Variants in LRRC49 observed in about 807,000 individuals in gnomAD.
LRRC49 encodes leucine-rich repeat-containing protein 49.
A neutral mutation model predicts 83.3 loss-of-function variants in LRRC49; 50 were observed. The ratio of observed to expected loss-of-function variants is 0.60; its 90% CI spans 0.48 to 0.76. LRRC49 has a LOEUF of 0.76. Among genes scored for constraint, LRRC49 ranks in the 30% least tolerant of loss-of-function variants. LRRC49 has a pLI of 0.00. For missense variants in LRRC49, 704 were observed against 809.1 expected, an observed-to-expected ratio of 0.87 and a Z score of 1.58; for synonymous variants, 286 against 283.3, an observed-to-expected ratio of 1.01 and a Z score of -0.10.
intron 11 of LRRC49, among the ~76,000 whole-genome samples, chr15:70,997,210 T>A (rs979055418): frequency 3.3e-5 from 5 of 152,234 alleles, no homozygotes; most frequent in African/African-American, 1.2e-4. Context: ...TCATGTATTT[T>A]AGATGTTAAG....
At chr15:70,879,628 G>A (rs909448849) in intron 2 of LRRC49, among the ~76,000 whole-genome samples, 5 of 152,124 alleles carry the variant, frequency 3.3e-5, no homozygotes, top group African/African-American at 1.2e-4. Flanking sequence ...AGAGATTTGG[G>A]TGGAGTTTAT....
At chr15:70,862,194 C>T (rs2032805015) in intron 1 of LRRC49, among the ~76,000 whole-genome samples, 1 of 152,222 alleles carries the variant, frequency 6.6e-6, no homozygotes, top group African/African-American at 2.4e-5. Flanking sequence ...GTCAATGCTT[C>T]TCCCTGATCA....
intron 7 of LRRC49, among the ~76,000 whole-genome samples, chr15:70,928,144 C>T (rs1323614047): frequency 6.6e-6 from 1 of 152,146 alleles, no homozygotes; most frequent in Non-Finnish European, 1.5e-5. Flanking sequence ...CTATTCTGTT[C>T]CATCTATTCG....
chr15:70,982,204 T>A (rs970957074), intron 10 of LRRC49, among the ~76,000 whole-genome samples: 1 of 152,184 alleles, frequency 6.6e-6, no homozygotes, highest in African/African-American at 2.4e-5. Context: ...TTCTAAGCAC[T>A]GCTTTATCTA....
chr15:70,918,926 A>G (rs962173226), intron 6 of LRRC49, 124 bp from the exon 7 acceptor site: 1 of 665,572 alleles, frequency 1.5e-6, no homozygotes, highest in Non-Finnish European at 2.5e-6. Flanking sequence ...TAGATTTTTA[A>G]ATGTCTACAT....
chr15:71,043,486 T>C (rs1036505558), intron 15 of LRRC49, among the ~76,000 whole-genome samples: 22 of 152,166 alleles, frequency 1.4e-4, no homozygotes, highest in African/African-American at 5.1e-4. Context: ...AAAGCATTAC[T>C]CAAGGAGCAA....
intron 14 of LRRC49, among the ~76,000 whole-genome samples, chr15:71,036,185 G>T (rs1245211247): frequency 6.6e-6 from 1 of 151,912 alleles, no homozygotes; most frequent in Non-Finnish European, 1.5e-5. Flanking sequence ...TTTTTGATGG[G>T]GTTGTTTGTT....
At position 70,904,594 on chromosome 15, in the gene LRRC49, C is replaced by T. The variant is rs753701341; in HGVS notation, c.339C>T (p.His113=). ...GTCCTATCATCAATGGGGAAGACCA[C>T]CTTCGTTTGTTGAACTTTCAACACA... ...TVCPIINGED[H]LRLLNFQHNF... is the part of the protein sequence containing the mutation. Residue 113 remains histidine, a synonymous_variant, in exon 5 of 16, where the codon CAC becomes CAT. Coordinates refer to ENST00000260382, the MANE Select transcript of LRRC49 (RefSeq NM_017691.5). The T allele has an allele frequency of 3.7e-6, 6 of 1,613,598 alleles. No individual in the cohort carries two copies. The Admixed American group carries it at 6.7e-5, about 18-fold the overall frequency.
chr15:71,048,585 T>G, intron 15 of LRRC49, among the ~76,000 whole-genome samples: 1 of 152,228 alleles, frequency 6.6e-6, no homozygotes, highest in East Asian at 1.9e-4. Flanking sequence ...GTTACATTGA[T>G]TCTTCCATGT....
intron 4 of LRRC49, 130 bp downstream of exon 4, chr15:70,901,154 A>AT (rs1349981488): frequency 1.1e-5 from 6 of 566,424 alleles, no homozygotes; most frequent in Admixed American, 3.7e-5. Context: ...TTTAGATATA[A>AT]TTTTTTTAAC....
rs74021920 is a variant in LRRC49, at chr15:70,980,214, T to C, written c.1005+30T>C. 2.6e-3 allele frequency: 3,928 copies of C among 1,499,436 alleles called. 97 individuals are homozygous for C. The African/African-American group carries it at 0.05, about 19-fold the overall frequency. The allele number at this position is 1,499,436 out of a possible 1,614,324, so 92.9% of individuals were successfully genotyped here. A position where few individuals can be genotyped will look rare whatever the true frequency, so the allele number is the denominator to read the frequency against. On this transcript the variant is annotated intron_variant, in intron 10 of 15. Transcript: ENST00000260382. ...TTTCTCTGATGTCTACATGGATGTG[T>C]GTGCACACGTAGACACACATACCCC...
rs2038937490 is a variant in LRRC49 at position 71,019,760 on chromosome 15, T to C, written c.1703+6847T>C. On this transcript the variant is annotated intron_variant, in intron 14 of 15. Coordinates refer to ENST00000260382, the MANE Select transcript of LRRC49 (RefSeq NM_017691.5). ...ATGTGCAGCCTGAATTCATAACACA[T>C]AACTAGTTTAAAATAATATAAAGAT... 3.3e-5 allele frequency among the ~76,000 whole-genome samples: 5 copies of C among 152,286 alleles called. No homozygotes were observed. The South Asian group carries it at 1.0e-3, about 32-fold the overall frequency.
chr15:71,045,598 A>G (rs1025021685), intron 15 of LRRC49, among the ~76,000 whole-genome samples: 3 of 152,164 alleles, frequency 2.0e-5, no homozygotes, highest in African/African-American at 7.2e-5. Flanking sequence ...AGTTTTGACA[A>G]TTCATACATT....
At chr15:71,040,693 G>A (rs975524996) in intron 15 of LRRC49, among the ~76,000 whole-genome samples, 2 of 151,884 alleles carry the variant, frequency 1.3e-5, no homozygotes, top group African/African-American at 2.4e-5. Context: ...GGTGGTGGGT[G>A]CCTGTAGACC....
chr15:70,889,193 C>A (rs1245086067), upstream of LRRC49, among the ~76,000 whole-genome samples: 1 of 152,004 alleles, frequency 6.6e-6, no homozygotes, highest in East Asian at 1.9e-4. Context: ...AAATGTTCAA[C>A]AATAGACAGA....
chr15:70,871,804 G>C (rs563617249), intron 1 of LRRC49, among the ~76,000 whole-genome samples: 3 of 150,134 alleles, frequency 2.0e-5, no homozygotes, highest in South Asian at 4.2e-4. Flanking sequence ...GACGGGGCGG[G>C]GGGGTAGAGG....
At chr15:70,908,910 G>A (rs1266075335) in intron 5 of LRRC49, among the ~76,000 whole-genome samples, 1 of 152,206 alleles carries the variant, frequency 6.6e-6, no homozygotes, top group Admixed American at 6.5e-5. Flanking sequence ...GCAGGAATGA[G>A]CAAAGACAGT....
At position 71,052,700 on chromosome 15, in the gene LRRC49, C is replaced by A. The variant is rs549538057; in HGVS notation, c.*3088C>A. On this transcript the variant is annotated 3_prime_UTR_variant, in exon 16 of 16. Transcript: ENST00000260382. ...ATTCTCATTTAATCTCCTAACACTG[C>A]GATATATATATGATAGCAATCCCAT... is the stretch of plus-strand genomic sequence containing the variant. 1 of 151,912 alleles carries A rather than the reference C, an allele frequency of 6.6e-6. No homozygotes were observed. The highest frequency in any genetic ancestry group is 1.5e-5 in the Non-Finnish European group (1 of 68,000). The allele number at this position is 151,912 out of a possible 1,614,324, so 9.4% of individuals were successfully genotyped here.
intron 11 of LRRC49, among the ~76,000 whole-genome samples, chr15:70,997,741 A>G (rs2038122917): frequency 6.6e-6 from 1 of 151,736 alleles, no homozygotes; most frequent in Non-Finnish European, 1.5e-5. Flanking sequence ...ACAGAGCATG[A>G]CTCCATCTTG....
Sources: allele counts gnomAD v4.1 joint callset (sites outside exome capture counted in the v4.1 genomes callset), GRCh38; gene constraint gnomAD v4.1.1; transcripts MANE v1.5; gene names NCBI Gene and HGNC (gene_info 2026-07-23, HGNC 2026-07-21).